COQ8A: variants seen among roughly 807,000 people sequenced by gnomAD.
COQ8A encodes atypical kinase COQ8A, mitochondrial.
COQ8A carries 51 observed loss-of-function variants against 65.0 expected under a neutral mutation model. The observed-to-expected ratio is 0.78, with a 90% CI of 0.63 to 0.99. The LOEUF (loss-of-function observed/expected upper bound fraction) is 0.99. Ranked by LOEUF, COQ8A falls within the 50% of genes least tolerant of loss-of-function variation. The pLI is 0.00. For missense variants in COQ8A, 940 were observed against 875.0 expected, an observed-to-expected ratio of 1.07 and a Z score of -0.94; for synonymous variants, 371 against 353.2, an observed-to-expected ratio of 1.05 and a Z score of -0.57.
intron 5 of COQ8A, among the ~76,000 whole-genome samples, chr1:226,980,025 G>C (rs947143195): frequency 2.0e-5 from 3 of 152,238 alleles, no homozygotes; most frequent in African/African-American, 7.2e-5. Flanking sequence ...CAGGCTGGGG[G>C]TTAAGGGGCC....
chr1:226,987,154 T>C lies in COQ8A; in HGVS notation c.*417T>C, dbSNP rs1290946229. ...CATCTGTGTAGTAGGTGTGTGTATG[T>C]GTTTCTAGAGTGAGATTTGTGTTTT... On this transcript the variant is annotated 3_prime_UTR_variant, in exon 15 of 15. Coordinates refer to ENST00000366777, the MANE Select transcript of COQ8A (RefSeq NM_020247.5). 1 of 224,480 alleles carries C rather than the reference T, an allele frequency of 4.5e-6. No individual in the cohort carries two copies. Among genetic ancestry groups the C allele is most frequent in the Non-Finnish European group, 9.0e-6 (1 of 110,578 alleles). 13.9% of individuals were successfully genotyped at this position (224,480 alleles called of 1,614,324 possible). A position where few individuals can be genotyped will look rare whatever the true frequency, so the allele number is the denominator to read the frequency against.
In COQ8A at chr1:226,977,467, G is replaced by C. The variant is rs1465070994; in HGVS notation, c.674G>C (p.Gly225Ala). Residue 225 changes from glycine to alanine, a missense_variant, in exon 5 of 15, where the codon GGC (glycine) becomes GCC (alanine). Coordinates refer to ENST00000366777, the MANE Select transcript of COQ8A (RefSeq NM_020247.5). ...ANFGGLAVGL[G>A]FGALAEVAKK... Reference sequence around the variant, plus strand: ...CTTGCAGGTCTGGCCGTGGGCCTGGGCTTCGGGGCACTGGCAGAGGTCGCC... The same window carrying C: ...CTTGCAGGTCTGGCCGTGGGCCTGGCCTTCGGGGCACTGGCAGAGGTCGCC... The C allele has an allele frequency of 6.4e-7, 1 of 1,566,292 alleles. No homozygotes were observed. Among genetic ancestry groups the C allele is most frequent in the Admixed American group, 1.9e-5 (1 of 52,158 alleles).
intron 4 of COQ8A, among the ~76,000 whole-genome samples, chr1:226,970,047 A>T (rs561584298): frequency 2.0e-5 from 3 of 152,084 alleles, no homozygotes; most frequent in Non-Finnish European, 4.4e-5. Context: ...GCTCACAGCA[A>T]CCTCAGGCAA....
At chr1:226,958,066 G>T (rs953739019) in intron 1 of COQ8A, 1 of 151,976 alleles carries the variant, frequency 6.6e-6, no homozygotes, top group African/African-American at 2.4e-5. Context: ...TACTTTAATC[G>T]TGATCCCAAC....
intron 13 of COQ8A, 53 bp downstream of exon 13, chr1:226,984,994 G>A (rs956933425): frequency 6.3e-7 from 1 of 1,595,014 alleles, no homozygotes; most frequent in Non-Finnish European, 8.6e-7. Flanking sequence ...GGCTGGGACA[G>A]GATGCTGGGG....
chr1:226,982,812 G>A, intron 7 of COQ8A, 49 bp downstream of exon 7: 1 of 1,612,842 alleles, frequency 6.2e-7, no homozygotes, highest in Non-Finnish European at 8.5e-7. Context: ...GGCCCCCACT[G>A]GGTGGAGGGG....
At chr1:226,966,216 G>C (rs977258419) in intron 4 of COQ8A, among the ~76,000 whole-genome samples, 1 of 152,242 alleles carries the variant, frequency 6.6e-6, no homozygotes, top group African/African-American at 2.4e-5. Context: ...CAGGCCTGCG[G>C]CTCATGAGTG....
chr1:226,983,931 C>T (rs1309408548), intron 10 of COQ8A, 77 bp downstream of exon 10: 6 of 1,560,716 alleles, frequency 3.8e-6, no homozygotes, highest in Non-Finnish European at 5.2e-6. Flanking sequence ...CTGGTGAAGG[C>T]CCCTCCAGCT....
At chr1:226,957,243 C>A (rs926426188) in intron 1 of COQ8A, among the ~76,000 whole-genome samples, 2 of 148,534 alleles carry the variant, frequency 1.3e-5, no homozygotes, top group African/African-American at 5.0e-5. Flanking sequence ...AGTTCACACT[C>A]TCCCTGGCTC....
At chr1:226,952,976 A>T (rs1014018038) in intron 1 of COQ8A, among the ~76,000 whole-genome samples, 4 of 152,158 alleles carry the variant, frequency 2.6e-5, no homozygotes, top group Non-Finnish European at 5.9e-5. Context: ...CCGGGAATAT[A>T]TAATAATACA....
intron 4 of COQ8A, among the ~76,000 whole-genome samples, chr1:226,976,039 C>T (rs1451116770): frequency 4.6e-5 from 7 of 151,050 alleles, no homozygotes; most frequent in African/African-American, 1.7e-4. Context: ...CCCCCTGCTG[C>T]GATGTTGCCT....
chr1:226,970,205 A>AAG (rs1658813203), intron 4 of COQ8A, among the ~76,000 whole-genome samples: 1 of 152,158 alleles, frequency 6.6e-6, no homozygotes. Context: ...CACCTGCCTC[A>AAG]ACCTTCCAAA....
chr1:226,965,438 G>C, intron 3 of COQ8A, 28 bp downstream of exon 3: 1 of 1,597,752 alleles, frequency 6.3e-7, no homozygotes, highest in Non-Finnish European at 8.5e-7. Flanking sequence ...CTGGAGGGCC[G>C]AGGTAGCTGC....
Position 226,984,636 on chromosome 1 carries a change from A to G in COQ8A, c.1487A>G (p.Tyr496Cys). The G allele has an allele frequency of 1.2e-6, 2 of 1,614,070 alleles. No individual in the cohort carries two copies. The highest frequency in any genetic ancestry group is 1.7e-6 in the Non-Finnish European group (2 of 1,179,916). ...GACCCCAACTGGTCCAACTTCTTCTATGACCCCCAGCAGCACAAGGTGAGC... is the reference window on the plus strand; with the variant it reads ...GACCCCAACTGGTCCAACTTCTTCTGTGACCCCCAGCAGCACAAGGTGAGC... The part of the protein sequence containing the change: ...QTDPNWSNFF[Y>C]DPQQHKVALL... The change falls in exon 12 of 15, where the codon TAT (tyrosine) becomes TGT (cysteine). Residue 496 changes from tyrosine to cysteine, a missense_variant. By Grantham distance (194) the Tyr-to-Cys change is radical. Coordinates refer to ENST00000366777, the MANE Select transcript of COQ8A (RefSeq NM_020247.5).
intron 2 of COQ8A, among the ~76,000 whole-genome samples, chr1:226,964,270 G>C (rs1310640811): frequency 1.3e-5 from 2 of 152,176 alleles, no homozygotes; most frequent in African/African-American, 4.8e-5. Flanking sequence ...CAGTAACTGT[G>C]ACTGTGAGGA....
intron 2 of COQ8A, among the ~76,000 whole-genome samples, chr1:226,962,177 C>G (rs1424970776): frequency 6.6e-6 from 1 of 152,234 alleles, no homozygotes; most frequent in Non-Finnish European, 1.5e-5. Flanking sequence ...CCTCATTTTT[C>G]TCCTTCAGTT....
chr1:226,986,321 T>C (rs951867076), intron 14 of COQ8A, 132 bp from the exon 15 acceptor site: 20 of 1,050,022 alleles, frequency 1.9e-5, no homozygotes, highest in Non-Finnish European at 2.7e-5. Flanking sequence ...TTTATGCCCA[T>C]TACCATGATG....
intron 6 of COQ8A, 107 bp downstream of exon 6, chr1:226,982,256 G>A (rs944115806): frequency 3.4e-6 from 5 of 1,466,842 alleles, no homozygotes; most frequent in Non-Finnish European, 4.6e-6. Context: ...GGCAAGATGT[G>A]AGCAGGCTGG....
At chr1:226,967,215 C>T (rs1254846150) in intron 4 of COQ8A, among the ~76,000 whole-genome samples, 1 of 152,190 alleles carries the variant, frequency 6.6e-6, no homozygotes, top group Non-Finnish European at 1.5e-5. Flanking sequence ...TTGCTTTGCA[C>T]ATTGGCTTGT....
Sources: gnomAD v4.1 joint callset for allele counts (sites outside exome capture counted in the v4.1 genomes callset) on GRCh38, gnomAD v4.1.1 for gene constraint, MANE v1.5 for transcripts, NCBI Gene and HGNC (gene_info 2026-07-23, HGNC 2026-07-21) for gene names.